CYB5R4: variants seen among roughly 807,000 people sequenced by gnomAD.
The protein encoded by CYB5R4 is cytochrome b5 reductase 4.
CYB5R4 carries 55 observed loss-of-function variants against 70.2 expected under a neutral mutation model. The ratio of observed to expected loss-of-function variants is 0.78; its 90% CI spans 0.63 to 0.98. The LOEUF (loss-of-function observed/expected upper bound fraction) is 0.98, where lower values mean the gene tolerates loss of function less well. CYB5R4 is among the 50% of genes least tolerant of loss of function. The pLI is 0.00. For synonymous variants in CYB5R4, 197 were observed against 199.5 expected (o/e 0.99, Z 0.11); for missense variants, 562 against 612.6 (o/e 0.92, Z 0.87).
intron 2 of CYB5R4, among the ~76,000 whole-genome samples, chr6:83,866,161 T>A (rs546920657): frequency 1.3e-5 from 2 of 152,306 alleles, no homozygotes; most frequent in East Asian, 3.9e-4. Context: ...GAAACCACTT[T>A]AGAAAACTTG....
intron 10 of CYB5R4, among the ~76,000 whole-genome samples, chr6:83,926,668 G>C (rs747096483): frequency 6.6e-6 from 1 of 152,132 alleles, no homozygotes; most frequent in Non-Finnish European, 1.5e-5. Flanking sequence ...TGTGTTTGGT[G>C]AGGGGACACA....
chr6:83,946,778 TAGAG>T (rs908239001), intron 14 of CYB5R4, among the ~76,000 whole-genome samples: 23 of 149,752 alleles, frequency 1.5e-4, no homozygotes, highest in Admixed American at 4.0e-4. Flanking sequence ...ACACCAATAA[TAGAG>T]AGCGAAATCA....
rs775865653 is a variant in CYB5R4 at position 83,922,485 on chromosome 6, A to T, written c.691+15A>T. The T allele has an allele frequency of 6.2e-7, 1 of 1,608,994 alleles. No homozygotes were observed. ...AGATTTTTCTGGTAAGCTACCAAAA[A>T]CCAAAAATTATGTATGTACGTACAT... On this transcript the variant is annotated intron_variant, in intron 9 of 15. Coordinates refer to ENST00000369681, the MANE Select transcript of CYB5R4 (RefSeq NM_016230.4).
rs2129143188 is a variant in CYB5R4 at position 83,940,571 on chromosome 6, A to G, written c.1316A>G (p.Gln439Arg). The change falls in exon 14 of 16, where the codon CAA (glutamine) becomes CGA (arginine). Residue 439 changes from glutamine to arginine, a missense_variant. Gln to Arg is a conservative substitution (Grantham distance 43, BLOSUM62 1). Transcript: ENST00000369681. Reference sequence around the variant, plus strand: ...GAAGATGATATAATTTGGAGAAGCCAATTGGAGAAATTAGCATTTAAAGAT... The same window carrying G: ...GAAGATGATATAATTTGGAGAAGCCGATTGGAGAAATTAGCATTTAAAGAT... ...KTEDDIIWRS[Q>R]LEKLAFKDKR... The G allele has an allele frequency of 1.2e-6, 2 of 1,601,780 alleles. No individual in the cohort carries two copies. The highest frequency in any genetic ancestry group is 2.2e-5 in the East Asian group (1 of 44,448).
intron 3 of CYB5R4, among the ~76,000 whole-genome samples, chr6:83,906,722 A>G (rs1006423465): frequency 6.6e-6 from 1 of 152,100 alleles, no homozygotes; most frequent in African/African-American, 2.4e-5. Context: ...TCCATTCACT[A>G]TCTTGGTTCT....
In CYB5R4 at chr6:83,967,062, C is replaced by T. The variant is rs1486913317; in HGVS notation, c.*7184C>T. The T allele has an allele frequency of 6.6e-6, 1 of 152,122 alleles. No homozygotes were observed. Among genetic ancestry groups the T allele is most frequent in the Non-Finnish European group, 1.5e-5 (1 of 68,032 alleles). 9.4% of individuals were successfully genotyped at this position (152,122 alleles called of 1,614,324 possible). A position where few individuals can be genotyped will look rare whatever the true frequency, so the allele number is the denominator to read the frequency against. On this transcript the variant is annotated 3_prime_UTR_variant, in exon 16 of 16. Coordinates refer to ENST00000369681, the MANE Select transcript of CYB5R4 (RefSeq NM_016230.4). ...CTTATGCTTTAAGAAAGTGTTGTAC[C>T]ACATTTGATATCCTGATGGAAAAAA...
At chr6:83,950,342 G>T (rs750358334) in intron 14 of CYB5R4, among the ~76,000 whole-genome samples, 11 of 152,058 alleles carry the variant, frequency 7.2e-5, no homozygotes, top group Non-Finnish European at 1.3e-4. Context: ...GCAAATATGT[G>T]CAGTAGTGGA....
intron 2 of CYB5R4, among the ~76,000 whole-genome samples, chr6:83,876,443 C>G (rs185078934): frequency 1.9e-4 from 29 of 151,174 alleles, no homozygotes; most frequent in Admixed American, 1.8e-3. Flanking sequence ...ACATAGTTAT[C>G]ATTATATTTT....
chr6:83,912,103 G>A (rs1189060006), intron 4 of CYB5R4, among the ~76,000 whole-genome samples: 1 of 146,334 alleles, frequency 6.8e-6, no homozygotes, highest in African/African-American at 2.5e-5. Flanking sequence ...TTTTAATTCC[G>A]TTTATGGTAT....
chr6:83,905,360 A>T, intron 3 of CYB5R4, among the ~76,000 whole-genome samples: 1 of 151,856 alleles, frequency 6.6e-6, no homozygotes, highest in Non-Finnish European at 1.5e-5. Context: ...AGTTTTTTTT[A>T]AATTTGCTTT....
chr6:83,946,934 C>G (rs2099470709), intron 14 of CYB5R4, among the ~76,000 whole-genome samples: 3 of 152,164 alleles, frequency 2.0e-5, no homozygotes, highest in Admixed American at 2.0e-4. Flanking sequence ...GAAAAACATT[C>G]CATGCTGATG....
chr6:83,928,997 A>G (rs1024286118), intron 10 of CYB5R4, among the ~76,000 whole-genome samples: 1 of 152,182 alleles, frequency 6.6e-6, no homozygotes, highest in Non-Finnish European at 1.5e-5. Context: ...TAAAAAAGAA[A>G]GGTTTAGCTT....
At chr6:83,864,904 T>TA (rs1021952807) in intron 2 of CYB5R4, among the ~76,000 whole-genome samples, 2 of 152,142 alleles carry the variant, frequency 1.3e-5, no homozygotes, top group African/African-American at 4.8e-5. Context: ...AGGTAGCTGA[T>TA]AAAAGCTGAC....
intron 11 of CYB5R4, among the ~76,000 whole-genome samples, chr6:83,935,397 G>C (rs1334354373): frequency 2.0e-5 from 3 of 152,100 alleles, no homozygotes; most frequent in Non-Finnish European, 4.4e-5. Flanking sequence ...ATTATGATGA[G>C]GCACTGTTAA....
chr6:83,931,114 T>C (rs1396377024), intron 10 of CYB5R4, among the ~76,000 whole-genome samples: 1 of 152,228 alleles, frequency 6.6e-6, no homozygotes, highest in African/African-American at 2.4e-5. Flanking sequence ...AGTAGGACTT[T>C]TAATTTCCTT....
At chr6:83,895,905 C>T (rs752090871) in intron 3 of CYB5R4, among the ~76,000 whole-genome samples, 2 of 152,178 alleles carry the variant, frequency 1.3e-5, no homozygotes, top group Non-Finnish European at 2.9e-5. Context: ...TTTAGCTGCA[C>T]AAATAATAGT....
Position 83,940,495 on chromosome 6 carries a change from G to GTTTT in CYB5R4, c.1260-12_1260-9dup. ...AATGTAATTAATTAGTTATTTCTGA[G>GTTTT]TTTTTTTTTTTCTCTTAAGGAAAGT... On this transcript the variant is annotated intron_variant, in intron 13 of 15. Transcript: ENST00000369681. 1.6e-6 allele frequency: 2 copies of GTTTT among 1,239,640 alleles called. No homozygotes were observed. The highest frequency in any genetic ancestry group is 2.8e-5 in the East Asian group (1 of 36,358). The allele number at this position is 1,239,640 out of a possible 1,614,324, so 76.8% of individuals were successfully genotyped here.
At chr6:83,935,291 C>G (rs2099468751) in intron 11 of CYB5R4, among the ~76,000 whole-genome samples, 1 of 152,060 alleles carries the variant, frequency 6.6e-6, no homozygotes, top group African/African-American at 2.4e-5. Context: ...TTTTCTTGGC[C>G]TTTTGAAGCT....
chr6:83,899,166 T>C (rs2099462436), intron 3 of CYB5R4, among the ~76,000 whole-genome samples: 2 of 152,242 alleles, frequency 1.3e-5, no homozygotes, highest in South Asian at 4.1e-4. Context: ...TGAGAGTTTT[T>C]AGCATGAAGC....
Sources: gnomAD v4.1 joint callset for allele counts (sites outside exome capture counted in the v4.1 genomes callset) on GRCh38, gnomAD v4.1.1 for gene constraint, MANE v1.5 for transcripts, NCBI Gene and HGNC (gene_info 2026-07-23, HGNC 2026-07-21) for gene names.